Variants in FAR1 observed in about 807,000 individuals in gnomAD.
FAR1 encodes the protein male sterility domain-containing protein 2.
A neutral mutation model predicts 61.1 loss-of-function variants in FAR1; 22 were observed. The observed-to-expected ratio is 0.36, with a 90% CI of 0.26 to 0.51. The LOEUF is 0.51. Among genes scored for constraint, FAR1 ranks in the 20% least tolerant of loss-of-function variants. The pLI, the probability that FAR1 is intolerant of heterozygous loss-of-function variation, is 0.95. For synonymous variants in FAR1, 206 were observed against 209.7 expected (o/e 0.98, Z 0.15); for missense variants, 359 against 626.9 (o/e 0.57, Z 4.56).
At chr11:13,704,063 AAGTGAG>A (rs1848407446) in intron 3 of FAR1, among the ~76,000 whole-genome samples, 1 of 151,396 alleles carries the variant, frequency 6.6e-6, no homozygotes, top group African/African-American at 2.4e-5. Context: ...AAAAAAAAAA[AAGTGAG>A]AGGAGAAGTG....
At position 13,728,950 on chromosome 11, in the gene FAR1, G is replaced by A. The variant is rs573124123; in HGVS notation, c.*176G>A. 5.3e-6 allele frequency: 3 copies of A among 561,336 alleles called. No individual in the cohort carries two copies. Among genetic ancestry groups the A allele is most frequent in the African/African-American group, 1.9e-5 (1 of 52,926 alleles). 34.8% of individuals were successfully genotyped at this position (561,336 alleles called of 1,614,324 possible). On this transcript the variant is annotated 3_prime_UTR_variant, in exon 12 of 12. Coordinates refer to ENST00000354817, the MANE Select transcript of FAR1 (RefSeq NM_032228.6). ...TTAATGTTTATGCTCATAAAACTTA[G>A]TGAACACACTGTGTTATGCCAGCTC...
At chr11:13,677,678 A>C (rs560766043) in intron 1 of FAR1, among the ~76,000 whole-genome samples, 68 of 152,254 alleles carry the variant, frequency 4.5e-4, no homozygotes, top group African/African-American at 1.6e-3. Flanking sequence ...CAGAGTGAGG[A>C]CCCTTAGAAC....
In FAR1 at chr11:13,728,815, A is replaced by C; in HGVS notation, c.*41A>C. On this transcript the variant is annotated 3_prime_UTR_variant, in exon 12 of 12. Transcript: ENST00000354817. ...CATTAGAACATCTATACATATGGTG[A>C]TCTAAATGTACAAAATGTAAAATGT... 6.5e-7 allele frequency: 1 copy of C among 1,532,790 alleles called. No individual in the cohort carries two copies. Among genetic ancestry groups the C allele is most frequent in the Non-Finnish European group, 8.9e-7 (1 of 1,122,612 alleles). 94.9% of individuals were successfully genotyped at this position (1,532,790 alleles called of 1,614,324 possible). A position where few individuals can be genotyped will look rare whatever the true frequency, so the allele number is the denominator to read the frequency against.
At chr11:13,705,414 A>G (rs558537317) in intron 3 of FAR1, among the ~76,000 whole-genome samples, 4 of 152,092 alleles carry the variant, frequency 2.6e-5, no homozygotes, top group African/African-American at 9.6e-5. Context: ...ATGCAAAGGG[A>G]AAAAGGCAAG....
intron 1 of FAR1, among the ~76,000 whole-genome samples, chr11:13,679,644 T>C (rs1848103871): frequency 6.6e-6 from 1 of 152,140 alleles, no homozygotes; most frequent in African/African-American, 2.4e-5. Flanking sequence ...TATTGAAAAA[T>C]TTGTTTTCTG....
chr11:13,697,244 G>C (rs1471727471), intron 2 of FAR1, among the ~76,000 whole-genome samples: 3 of 152,022 alleles, frequency 2.0e-5, no homozygotes, highest in Non-Finnish European at 4.4e-5. Flanking sequence ...TGGGTCACTT[G>C]AGGCCAGGAG....
At chr11:13,685,818 T>C (rs1487836769) in intron 1 of FAR1, among the ~76,000 whole-genome samples, 3 of 152,214 alleles carry the variant, frequency 2.0e-5, no homozygotes, top group Admixed American at 6.5e-5. Context: ...GGTTGTCTTA[T>C]TTCATATGTT....
At chr11:13,722,485 T>C (rs1344230633) in intron 10 of FAR1, among the ~76,000 whole-genome samples, 3 of 151,832 alleles carry the variant, frequency 2.0e-5, no homozygotes, top group Non-Finnish European at 4.4e-5. Context: ...TTCTTTTTCT[T>C]TTTTTTTGAG....
chr11:13,681,118 T>A (rs1400188601), intron 1 of FAR1, among the ~76,000 whole-genome samples: 2 of 152,164 alleles, frequency 1.3e-5, no homozygotes, highest in Non-Finnish European at 2.9e-5. Context: ...TAATTGAACA[T>A]GGGAAAGTTA....
At chr11:13,719,054 A>G (rs1167195474) in intron 9 of FAR1, among the ~76,000 whole-genome samples, 1 of 152,226 alleles carries the variant, frequency 6.6e-6, no homozygotes, top group Non-Finnish European at 1.5e-5. Flanking sequence ...CGGAAGTCAC[A>G]TCATGTCACT....
At chr11:13,710,342 T>C (rs1416001816) in intron 4 of FAR1, among the ~76,000 whole-genome samples, 1 of 152,118 alleles carries the variant, frequency 6.6e-6, no homozygotes, top group Non-Finnish European at 1.5e-5. Context: ...AACTTTAACT[T>C]GATCTGGGTT....
At chr11:13,709,938 A>G (rs1353519324) in intron 4 of FAR1, among the ~76,000 whole-genome samples, 1 of 152,040 alleles carries the variant, frequency 6.6e-6, no homozygotes, top group Non-Finnish European at 1.5e-5. Context: ...CATGGACACC[A>G]CCTAGTATAT....
At chr11:13,728,584 C>CT in intron 11 of FAR1, 28 bp from the exon 12 acceptor site, 2 of 1,599,478 alleles carry the variant, frequency 1.3e-6, no homozygotes, top group Non-Finnish European at 1.7e-6. Flanking sequence ...AAAATACTGT[C>CT]TAACATATCT....
At chr11:13,673,252 T>C (rs1268890608) in intron 1 of FAR1, among the ~76,000 whole-genome samples, 1 of 152,212 alleles carries the variant, frequency 6.6e-6, no homozygotes, top group Non-Finnish European at 1.5e-5. Flanking sequence ...TAAATTCATC[T>C]AGCTTTTAGT....
At chr11:13,714,479 C>T (rs1848533905) in intron 8 of FAR1, 30 bp from the exon 9 acceptor site, 3 of 1,563,774 alleles carry the variant, frequency 1.9e-6, no homozygotes, top group East Asian at 2.3e-5. Flanking sequence ...TGGTTATTAT[C>T]AAAGCTGTTA....
chr11:13,724,152 A>G (rs914425326), intron 10 of FAR1, among the ~76,000 whole-genome samples: 1 of 152,158 alleles, frequency 6.6e-6, no homozygotes, highest in Non-Finnish European at 1.5e-5. Flanking sequence ...CTTTGCTTCT[A>G]CCAGTAGCCT....
At chr11:13,709,695 G>A (rs1281446103) in intron 4 of FAR1, among the ~76,000 whole-genome samples, 1 of 151,836 alleles carries the variant, frequency 6.6e-6, no homozygotes, top group Non-Finnish European at 1.5e-5. Context: ...TCCTAAGTTG[G>A]GTAGCAATTT....
chr11:13,691,054 AT>A, intron 1 of FAR1, among the ~76,000 whole-genome samples: 1 of 152,364 alleles, frequency 6.6e-6, no homozygotes, highest in East Asian at 1.9e-4. Context: ...TGGGTAATCT[AT>A]AAAGAACAGA....
intron 1 of FAR1, among the ~76,000 whole-genome samples, chr11:13,681,235 G>C (rs1489183640): frequency 1.3e-5 from 2 of 152,130 alleles, no homozygotes; most frequent in Admixed American, 6.6e-5. Flanking sequence ...AATGGGTTTT[G>C]AGTGGCTAAA....
Sources: gnomAD v4.1 joint callset for allele counts (sites outside exome capture counted in the v4.1 genomes callset) on GRCh38, gnomAD v4.1.1 for gene constraint, MANE v1.5 for transcripts, NCBI Gene and HGNC (gene_info 2026-07-23, HGNC 2026-07-21) for gene names.